Variants in KDR observed in about 807,000 individuals in gnomAD.
The protein encoded by KDR is kinase insert domain receptor, also known as vascular endothelial growth factor receptor 2.
Under a neutral mutation model 160.9 loss-of-function variants are expected in KDR, and 43 were observed. The observed-to-expected ratio is 0.27, with a 90% CI of 0.21 to 0.34. The LOEUF is 0.34. Ranked by LOEUF, KDR falls within the 10% of genes least tolerant of loss-of-function variation. The pLI, the probability that KDR is intolerant of heterozygous loss-of-function variation, is 1.00. For missense variants in KDR, 1,469 were observed against 1,666.4 expected, an observed-to-expected ratio of 0.88 and a Z score of 2.06; for synonymous variants, 617 against 600.1, an observed-to-expected ratio of 1.03 and a Z score of -0.41.
At chr4:55,085,168 T>C (rs1719831297) in intron 27 of KDR, among the ~76,000 whole-genome samples, 1 of 152,176 alleles carries the variant, frequency 6.6e-6, no homozygotes, top group Admixed American at 6.5e-5. Flanking sequence ...CAAAGAAAGA[T>C]GAGCCCAGCA....
Position 55,079,391 on chromosome 4 carries a change from T to G in KDR, c.*550A>C. On this transcript the variant is annotated 3_prime_UTR_variant, in exon 30 of 30. Transcript: ENST00000263923. ...CCCACCTCCACCAGAGCAAACACAA[T>G]GCATTTGCAGGCTCCAGTACTCTCC... is the stretch of plus-strand genomic sequence containing the variant. The G allele has an allele frequency of 4.0e-6, 1 of 249,058 alleles. No individual in the cohort carries two copies. Among genetic ancestry groups the G allele is most frequent in the Non-Finnish European group, 7.9e-6 (1 of 126,404 alleles). 15.4% of individuals were successfully genotyped at this position (249,058 alleles called of 1,614,324 possible). A position where few individuals can be genotyped will look rare whatever the true frequency, so the allele number is the denominator to read the frequency against.
chr4:55,091,906 C>T (rs1720027936), intron 22 of KDR, among the ~76,000 whole-genome samples: 1 of 152,196 alleles, frequency 6.6e-6, no homozygotes, highest in Admixed American at 6.5e-5. Flanking sequence ...GTCACGTCCC[C>T]ATCTCAGCCT....
intron 12 of KDR, 117 bp from the exon 13 acceptor site, chr4:55,105,101 A>T (rs1203992994): frequency 1.1e-5 from 9 of 844,424 alleles, no homozygotes; most frequent in Admixed American, 2.0e-5. Context: ...TATCCGTTCC[A>T]GGTGATGTAC....
At chr4:55,117,334 G>C (rs1720761062) in intron 3 of KDR, among the ~76,000 whole-genome samples, 2 of 152,094 alleles carry the variant, frequency 1.3e-5, no homozygotes, top group African/African-American at 4.8e-5. Context: ...TTCTAGACAG[G>C]CTGAAAGCAG....
At chr4:55,112,495 T>A (rs888890260) in intron 7 of KDR, among the ~76,000 whole-genome samples, 19 of 151,948 alleles carry the variant, frequency 1.3e-4, no homozygotes, top group African/African-American at 4.4e-4. Context: ...ATTAGTTATG[T>A]TTTGTGGAAG....
chr4:55,120,831 T>G (rs994303962), intron 2 of KDR, among the ~76,000 whole-genome samples: 3 of 107,688 alleles, frequency 2.8e-5, no homozygotes, highest in Non-Finnish European at 5.5e-5. Context: ...GGAATGTGGG[T>G]GTGGGTGTGT....
intron 3 of KDR, among the ~76,000 whole-genome samples, chr4:55,115,825 T>C (rs1439060690): frequency 6.6e-6 from 1 of 152,158 alleles, no homozygotes; most frequent in African/African-American, 2.4e-5. Context: ...ACCGACAAGT[T>C]TTACTAATAT....
In KDR at chr4:55,125,235, G is replaced by A. The variant is rs1367844768; in HGVS notation, c.59C>T (p.Ala20Val). Residue 20 changes from alanine (A) to valine (V), a missense_variant, in exon 1 of 30, where the codon GCC (alanine) becomes GTC (valine). This residue lies in a region of KDR where 792 missense variants were observed against 840.9 expected (regional missense o/e 0.94). Transcript: ENST00000263923. Reference sequence around the variant, plus strand: ...CAGAGTGGGCTCCTTACCCACAGAGGCGGCCCGGGTCTCCACGCAGAGCCA... The same window carrying A: ...CAGAGTGGGCTCCTTACCCACAGAGACGGCCCGGGTCTCCACGCAGAGCCA... Reference protein sequence around the residue: ...ALWLCVETRAASVGLPSVSLD... With the variant: ...ALWLCVETRAVSVGLPSVSLD... The A allele has an allele frequency of 1.2e-6, 2 of 1,612,664 alleles. No homozygotes were observed. The highest frequency in any genetic ancestry group is 4.5e-5 in the East Asian group (2 of 44,840).
rs1449125938 is a variant in KDR, at chr4:55,089,470, G to A, written c.3308C>T (p.Ala1103Val). ...AATCTTTACCCCAGGATATGGAGAA[G>A]CACCTAGAATAAAACAGGGAGGAGA... The part of the protein sequence containing the change: ...VLLWEIFSLG[A>V]SPYPGVKIDE... Residue 1103 changes from alanine to valine, a missense_variant, in exon 25 of 30, where the codon GCT (alanine) becomes GTT (valine). Ala to Val is a moderately conservative substitution (Grantham distance 64). This residue lies in a region of KDR where 132 missense variants were observed against 195.9 expected (regional missense o/e 0.67). Transcript: ENST00000263923. 1 of 1,608,334 alleles carries A rather than the reference G, an allele frequency of 6.2e-7. No individual in the cohort carries two copies. Among genetic ancestry groups the A allele is most frequent in the Non-Finnish European group, 8.5e-7 (1 of 1,175,290 alleles).
At chr4:55,121,235 A>G (rs1039554956) in intron 1 of KDR, 45 bp from the exon 2 acceptor site, 8 of 1,374,248 alleles carry the variant, frequency 5.8e-6, no homozygotes, top group African/African-American at 2.9e-5. Context: ...ACTGAGTTAG[A>G]CCTAATAGGA....
intron 24 of KDR, 73 bp from the exon 25 acceptor site, chr4:55,089,546 C>T: frequency 7.3e-7 from 1 of 1,367,724 alleles, no homozygotes; most frequent in Non-Finnish European, 1.0e-6. Flanking sequence ...CTGAATCTTG[C>T]ACATCCTCAT....
At chr4:55,110,294 C>T (rs1720544634) in intron 9 of KDR, 109 bp downstream of exon 9, 1 of 1,163,368 alleles carries the variant, frequency 8.6e-7, no homozygotes. Flanking sequence ...GCAGGCCCAG[C>T]CATGATATGA....
chr4:55,098,638 C>A, intron 16 of KDR, 59 bp downstream of exon 16: 1 of 1,261,698 alleles, frequency 7.9e-7, no homozygotes, highest in South Asian at 1.2e-5. Context: ...GAACCCCAGT[C>A]AGTTTTCATT....
At chr4:55,085,919 A>G (rs1251227379) in intron 27 of KDR, among the ~76,000 whole-genome samples, 1 of 152,216 alleles carries the variant, frequency 6.6e-6, no homozygotes, top group East Asian at 1.9e-4. Flanking sequence ...ACCATATGCA[A>G]AGCACCCGGT....
chr4:55,092,636 T>A lies in KDR; in HGVS notation c.3050A>T (p.Glu1017Val), dbSNP rs201783414. The change falls in exon 22 of 30, where the codon GAG (glutamate) becomes GTG (valine). Residue 1017 changes from glutamate to valine, a missense_variant. By Grantham distance (121) the Glu-to-Val change is moderately radical. This residue lies in a region of KDR where 8 missense variants were observed against 41.7 expected (regional missense o/e 0.19). Transcript: ENST00000263923. ...CYSFQVAKGMEFLASRKCIHR... is the reference protein window; with the variant it reads ...CYSFQVAKGMVFLASRKCIHR... ...TCTTACCTTTCGCGATGCCAAGAAC[T>A]CCATGCCCTTAGCCACTTGGAAGCT... 15 of 1,613,484 alleles carry A rather than the reference T, an allele frequency of 9.3e-6. No individual in the cohort carries two copies. The East Asian group carries it at 2.7e-4, about 29-fold the overall frequency.
intron 27 of KDR, 26 bp downstream of exon 27, chr4:55,087,581 G>A (rs191767790): frequency 8.9e-5 from 144 of 1,611,278 alleles, no homozygotes; most frequent in Non-Finnish European, 1.0e-4. Context: ...ACCCTCCCCC[G>A]GGGGATGTTA....
chr4:55,087,628 T>A lies in KDR; in HGVS notation c.3641A>T (p.Tyr1214Phe). The A allele has an allele frequency of 6.2e-7, 1 of 1,614,176 alleles. No individual in the cohort carries two copies. ...GTACCTGATTCCTGCTGTGTTGTCATAATGGAATTTGGGGTCACATACTTC... is the reference window on the plus strand; with the variant it reads ...GTACCTGATTCCTGCTGTGTTGTCAAAATGGAATTTGGGGTCACATACTTC... ...EEEVCDPKFH[Y>F]DNTAGISQYL... Residue 1214 changes from tyrosine (Y) to phenylalanine (F), a missense_variant, in exon 27 of 30, where the codon TAT becomes TTT. Around this residue, in one of 7 missense-constraint regions of KDR, gnomAD observed 229 missense variants for 197.8 expected, o/e 1.16. Coordinates refer to ENST00000263923, the MANE Select transcript of KDR (RefSeq NM_002253.4).
chr4:55,092,156 G>T (rs1183429815), intron 22 of KDR, among the ~76,000 whole-genome samples: 2 of 152,148 alleles, frequency 1.3e-5, no homozygotes, highest in Non-Finnish European at 2.9e-5. Context: ...GTTTAAAGTA[G>T]ATGTACACAC....
intron 1 of KDR, 114 bp downstream of exon 1, chr4:55,125,113 T>A: frequency 1.0e-6 from 1 of 978,868 alleles, no homozygotes; most frequent in South Asian, 1.4e-5. Context: ...GATCGCAAAA[T>A]GTCAAGTCCT....
Sources: allele counts gnomAD v4.1 joint callset (sites outside exome capture counted in the v4.1 genomes callset), GRCh38; gene constraint gnomAD v4.1.1; regional missense constraint gnomAD v4.1.1; transcripts MANE v1.5; gene names NCBI Gene and HGNC (gene_info 2026-07-23, HGNC 2026-07-21).